The following KREMEN2 variants were observed in gnomAD, a reference collection of about 807,000 sequenced individuals.
KREMEN2 encodes the protein kringle containing transmembrane protein 2.
A neutral mutation model predicts 49.8 loss-of-function variants in KREMEN2; 43 were observed. The ratio of observed to expected loss-of-function variants is 0.86; its 90% confidence interval spans 0.68 to 1.11. KREMEN2 has a LOEUF of 1.11. Among genes scored for constraint, KREMEN2 ranks in the 50% most tolerant of loss-of-function variants. The pLI is 0.00. For missense variants in KREMEN2, 686 were observed against 665.7 expected, an observed-to-expected ratio of 1.03 and a Z score of -0.34; for synonymous variants, 355 against 304.9, an observed-to-expected ratio of 1.16 and a Z score of -1.71.
At chr16:2,964,836 C>A in intron 1 of KREMEN2, 23 bp from the exon 2 acceptor site, 1 of 1,608,860 alleles carries the variant, frequency 6.2e-7, no homozygotes, top group Non-Finnish European at 8.5e-7. Flanking sequence ...CGGACCTCCC[C>A]AGGCCCTGCC....
chr16:2,966,916 TG>T lies in KREMEN2; in HGVS notation c.650del (p.Gly217AlafsTer136). On this transcript the variant is annotated frameshift_variant, in exon 6 of 9. Coordinates refer to ENST00000303746, the MANE Select transcript of KREMEN2 (RefSeq NM_172229.3). LOFTEE classifies it high-confidence loss of function. This position sits in a 1 kb window ranked among gnomAD's most constrained non-coding sequence, Gnocchi z 8.4. ...CTGCCGGCCCCGCCCGCAGTGTCGG[TG>T]GGCTCCTGCCAGGGGAACTGGACAG... ...DGRLGVYEVSVGSCQGNWTAP... is the reference protein window; with the variant it reads ...DGRLGVYEVSXGSCQGNWTAP... 1 of 1,545,936 alleles carries T rather than the reference TG, an allele frequency of 6.5e-7. No homozygotes were observed. The highest frequency in any genetic ancestry group is 8.7e-7 in the Non-Finnish European group (1 of 1,143,768).
Position 2,968,188 on chromosome 16 carries a change from T to C in KREMEN2, c.*168T>C. The C allele has an allele frequency of 2.2e-6, 2 of 919,838 alleles. No homozygotes were observed. Among genetic ancestry groups the C allele is most frequent in the South Asian group, 3.0e-5 (2 of 66,616 alleles). 57.0% of individuals were successfully genotyped at this position (919,838 alleles called of 1,614,324 possible). A position where few individuals can be genotyped will look rare whatever the true frequency, so the allele number is the denominator to read the frequency against. On this transcript the variant is annotated 3_prime_UTR_variant, in exon 9 of 9. Coordinates refer to ENST00000303746, the MANE Select transcript of KREMEN2 (RefSeq NM_172229.3). ...AACATCTGGTGCTATTATCTGGGAC[T>C]TGGCCTGACCGTGGGGGTCCAGATG...
At position 2,966,515 on chromosome 16, in the gene KREMEN2, C is replaced by T; in HGVS notation, c.486+66C>T. On this transcript the variant is annotated intron_variant, in intron 4 of 8. Transcript: ENST00000303746. The surrounding 1 kb of genome is among the most constrained non-coding windows in gnomAD (Gnocchi z 8.4). ...CCTAAAGACCACACTCAACTCCCAA[C>T]ACTCGGTTGCCAAACCCAGACACCG... The T allele has an allele frequency of 6.3e-7, 1 of 1,597,296 alleles. No individual in the cohort carries two copies. Among genetic ancestry groups the T allele is most frequent in the Non-Finnish European group, 8.5e-7 (1 of 1,175,090 alleles).
In KREMEN2 at chr16:2,967,559, TGCTGCTGCTGCTGCTCCTGGG is replaced by T; in HGVS notation, c.1142_1162del (p.Leu381_Leu387del). 6.5e-7 allele frequency: 1 copy of T among 1,528,216 alleles called. No individual in the cohort carries two copies. Among genetic ancestry groups the T allele is most frequent in the Non-Finnish European group, 8.7e-7 (1 of 1,143,532 alleles). 94.7% of individuals were successfully genotyped at this position (1,528,216 alleles called of 1,614,324 possible). A position where few individuals can be genotyped will look rare whatever the true frequency, so the allele number is the denominator to read the frequency against. On this transcript the variant is annotated inframe_deletion, in exon 8 of 9. Coordinates refer to ENST00000303746, the MANE Select transcript of KREMEN2 (RefSeq NM_172229.3). ...TTCTCGACGGTGACGGCTGTCTCGG[TGCTGCTGCTGCTGCTCCTGGG>T]GCTGCTGCGTCCGCTGCGCCGACGG...
chr16:2,967,144 C>G lies in KREMEN2; in HGVS notation c.875C>G (p.Pro292Arg). 1.4e-6 allele frequency: 2 copies of G among 1,396,840 alleles called. No individual in the cohort carries two copies. Among genetic ancestry groups the G allele is most frequent in the South Asian group, 3.2e-5 (2 of 63,162 alleles). The allele number at this position is 1,396,840 out of a possible 1,614,324, so 86.5% of individuals were successfully genotyped here. A position where few individuals can be genotyped will look rare whatever the true frequency, so the allele number is the denominator to read the frequency against. Residue 292 changes from proline to arginine, a missense_variant, in exon 6 of 9, where the codon CCG becomes CGG. Transcript: ENST00000303746. ...CGCGCCTTCGATGGCGCCCGCCCAC[C>G]GCCGTCCGGGCCGCTGCGCCTGGGC... ...LLRAFDGARPPPSGPLRLGTA... is the reference protein window; with the variant it reads ...LLRAFDGARPRPSGPLRLGTA...
chr16:2,968,095 C>CGCCTACACA lies in KREMEN2; in HGVS notation c.*76_*77insCCTACACAG. 7.0e-7 allele frequency: 1 copy of CGCCTACACA among 1,431,396 alleles called. No individual in the cohort carries two copies. Among genetic ancestry groups the CGCCTACACA allele is most frequent in the East Asian group, 2.5e-5 (1 of 40,416 alleles). 88.7% of individuals were successfully genotyped at this position (1,431,396 alleles called of 1,614,324 possible). A position where few individuals can be genotyped will look rare whatever the true frequency, so the allele number is the denominator to read the frequency against. On this transcript the variant is annotated 3_prime_UTR_variant, in exon 9 of 9. Transcript: ENST00000303746. The stretch of plus-strand genomic sequence containing the variant: ...TGAGATGCTGTGCTGCGCCCTGCCT[C>CGCCTACACA]GGCCTTGCGCCTGTGTAGGGGCAGC...
Position 2,967,364 on chromosome 16 carries a change from G to A in KREMEN2, c.1018G>A (p.Ala340Thr). 3 of 1,403,922 alleles carry A rather than the reference G, an allele frequency of 2.1e-6. No homozygotes were observed. Among genetic ancestry groups the A allele is most frequent in the Admixed American group, 3.5e-5 (1 of 28,604 alleles). The allele number at this position is 1,403,922 out of a possible 1,614,324, so 87.0% of individuals were successfully genotyped here. A position where few individuals can be genotyped will look rare whatever the true frequency, so the allele number is the denominator to read the frequency against. The change falls in exon 7 of 9, where the codon GCC becomes ACC. Residue 340 changes from alanine to threonine, a missense_variant. Physicochemically the swap from Ala to Thr is moderately conservative, Grantham distance 58. Coordinates refer to ENST00000303746, the MANE Select transcript of KREMEN2 (RefSeq NM_172229.3). ...GGACCCAGAGGCCCCCGAGGGCTCGGCCCAGACCCCCGCGGCGCCCCTCGA... is the reference window on the plus strand; with the variant it reads ...GGACCCAGAGGCCCCCGAGGGCTCGACCCAGACCCCCGCGGCGCCCCTCGA... ...AEDPEAPEGS[A>T]QTPAAPLDGA...
At position 2,964,566 on chromosome 16, in the gene KREMEN2, C is replaced by G. The variant is rs1272115654; in HGVS notation, c.46C>G (p.Pro16Ala). The change falls in exon 1 of 9, where the codon CCG becomes GCG. Residue 16 changes from proline (P) to alanine (A), a missense_variant. Physicochemically the swap from Pro to Ala is conservative, Grantham distance 27. Transcript: ENST00000303746. ...LQGFLFLLFL[P>A]LLQPRGASAG... The stretch of plus-strand genomic sequence containing the variant: ...GGGCTTCCTCTTTCTCCTCTTCCTC[C>G]CGCTGCTGCAGCCGCGTGGGGCCTC... 6.2e-7 allele frequency: 1 copy of G among 1,608,698 alleles called. No homozygotes were observed. Among genetic ancestry groups the G allele is most frequent in the South Asian group, 1.1e-5 (1 of 90,472 alleles).
Position 2,967,226 on chromosome 16 carries a change from C to A in KREMEN2, c.957C>A (p.Phe319Leu). The A allele has an allele frequency of 7.4e-7, 1 of 1,355,744 alleles. No homozygotes were observed. The highest frequency in any genetic ancestry group is 9.4e-7 in the Non-Finnish European group (1 of 1,063,194). 84.0% of individuals were successfully genotyped at this position (1,355,744 alleles called of 1,614,324 possible). A position where few individuals can be genotyped will look rare whatever the true frequency, so the allele number is the denominator to read the frequency against. The change falls in exon 6 of 9, where the codon TTC becomes TTA. Residue 319 changes from phenylalanine (F) to leucine (L), a missense_variant. By Grantham distance (22) the Phe-to-Leu change is conservative. Transcript: ENST00000303746. ...RSDARGHAQG[F>L]ALTYRGLQDA... is the part of the protein sequence containing the mutation. ...ACGCGCGCGGCCACGCGCAAGGCTTCGCGCTCACCTACCGCGGTGAGCCTC... is the reference window on the plus strand; with the variant it reads ...ACGCGCGCGGCCACGCGCAAGGCTTAGCGCTCACCTACCGCGGTGAGCCTC...
At chr16:2,965,065 C>T (rs1452426007) in intron 2 of KREMEN2, 32 bp downstream of exon 2, 37 of 1,481,082 alleles carry the variant, frequency 2.5e-5, no homozygotes, top group East Asian at 7.7e-5. Context: ...GGGGGCGAGG[C>T]TGGGCTCACC....
At position 2,964,970 on chromosome 16, in the gene KREMEN2, A is replaced by C. The variant is rs202235486; in HGVS notation, c.206A>C (p.His69Pro). The C allele has an allele frequency of 6.3e-7, 1 of 1,582,032 alleles. No homozygotes were observed. The highest frequency in any genetic ancestry group is 1.4e-5 in the African/African-American group (1 of 73,878). Residue 69 changes from histidine (H) to proline (P), a missense_variant, in exon 2 of 9, where the codon CAC becomes CCC. Transcript: ENST00000303746. ...PCLFWDQTQQ[H>P]SYSSASDPHG... ...CTCTTCTGGGACCAGACGCAGCAAC[A>C]CAGCTACAGCAGCGCCAGCGACCCC...
At chr16:2,965,439 G>T (rs1429191093) in intron 2 of KREMEN2, among the ~76,000 whole-genome samples, 1 of 152,168 alleles carries the variant, frequency 6.6e-6, no homozygotes, top group Non-Finnish European at 1.5e-5. Context: ...CCCAGCGGGA[G>T]GAGAGCCGCA....
chr16:2,965,768 T>C (rs1424430371), intron 2 of KREMEN2, among the ~76,000 whole-genome samples: 5 of 93,374 alleles, frequency 5.4e-5, no homozygotes, highest in African/African-American at 2.7e-4. Context: ...GAGACTCGTC[T>C]CAAAAAAAAA....
Position 2,966,876 on chromosome 16 carries a change from T to G in KREMEN2, c.641-34T>G. On this transcript the variant is annotated intron_variant, in intron 5 of 8. Coordinates refer to ENST00000303746, the MANE Select transcript of KREMEN2 (RefSeq NM_172229.3). The surrounding 1 kb of genome is among the most constrained non-coding windows in gnomAD (Gnocchi z 8.4). Reference sequence around the variant, plus strand: ...GGGCAGGGGAGCCGCCGTGTCCTGGTCCTCAGGATGCTGACTGCCGGCCCC... The same window carrying G: ...GGGCAGGGGAGCCGCCGTGTCCTGGGCCTCAGGATGCTGACTGCCGGCCCC... 6.4e-7 allele frequency: 1 copy of G among 1,558,170 alleles called. No individual in the cohort carries two copies. The highest frequency in any genetic ancestry group is 8.7e-7 in the Non-Finnish European group (1 of 1,152,078).
chr16:2,966,169 G>A lies in KREMEN2; in HGVS notation c.299G>A (p.Cys100Tyr). The A allele has an allele frequency of 6.2e-7, 1 of 1,612,534 alleles. No individual in the cohort carries two copies. The highest frequency in any genetic ancestry group is 8.5e-7 in the Non-Finnish European group (1 of 1,180,004). The change falls in exon 3 of 9, where the codon TGC becomes TAC. Residue 100 changes from cysteine (C) to tyrosine (Y), a missense_variant. Cys to Tyr is a radical substitution (Grantham distance 194). Transcript: ENST00000303746. The surrounding 1 kb of genome is among the most constrained non-coding windows in gnomAD (Gnocchi z 8.4). The stretch of plus-strand genomic sequence containing the variant: ...CCAGACGGTGACGTGCAGCCGTGGT[G>A]CTACGTGGCTGAGACAGAGGAGGGC... ...RNPDGDVQPW[C>Y]YVAETEEGIY... is the part of the protein sequence containing the mutation.
intron 2 of KREMEN2, among the ~76,000 whole-genome samples, chr16:2,965,785 A>T (rs1321206217): frequency 6.6e-6 from 1 of 151,664 alleles, no homozygotes; most frequent in Non-Finnish European, 1.5e-5. Flanking sequence ...AAAAAAAAAA[A>T]AGTGGGGTTT....
At chr16:2,964,692 C>G (rs1344913222) in intron 1 of KREMEN2, 78 bp downstream of exon 1, 2 of 1,420,230 alleles carry the variant, frequency 1.4e-6, no homozygotes, top group Non-Finnish European at 1.9e-6. Context: ...GCCCCCAAGG[C>G]TAGGGAGGGG....
At position 2,964,548 on chromosome 16, in the gene KREMEN2, C is replaced by T; in HGVS notation, c.28C>T (p.Leu10Phe). Residue 10 changes from leucine to phenylalanine, a missense_variant, in exon 1 of 9, where the codon CTC becomes TTC. Physicochemically the swap from Leu to Phe is conservative, Grantham distance 22. Transcript: ENST00000303746. ...GGGGACACAAGCCCTGCAGGGCTTC[C>T]TCTTTCTCCTCTTCCTCCCGCTGCT... The part of the protein sequence containing the change: MGTQALQGF[L>F]FLLFLPLLQP... 1.9e-6 allele frequency: 3 copies of T among 1,606,696 alleles called. No homozygotes were observed. Among genetic ancestry groups the T allele is most frequent in the Non-Finnish European group, 2.5e-6 (3 of 1,176,798 alleles).
intron 2 of KREMEN2, 42 bp downstream of exon 2, chr16:2,965,075 C>A (rs779149167): frequency 6.9e-7 from 1 of 1,444,660 alleles, no homozygotes; most frequent in South Asian, 1.4e-5. Context: ...CTGGGCTCAC[C>A]ATTGCAGGGA....
Sources: allele counts gnomAD v4.1 joint callset (sites outside exome capture counted in the v4.1 genomes callset), GRCh38; gene constraint gnomAD v4.1.1; non-coding constraint Gnocchi (gnomAD v3.1); transcripts MANE v1.5; gene names NCBI Gene and HGNC (gene_info 2026-07-23, HGNC 2026-07-21).